The following LAX1 variants were observed in gnomAD, a reference collection of about 807,000 sequenced individuals.
LAX1 encodes the protein lymphocyte transmembrane adapter 1.
Under a neutral mutation model 20.7 loss-of-function variants are expected in LAX1, and 17 were observed. The observed-to-expected ratio is 0.82, with a 90% CI of 0.56 to 1.23. LAX1 has a LOEUF of 1.23. LAX1 is among the 50% of genes most tolerant of loss of function. The pLI, the probability that LAX1 is intolerant of heterozygous loss-of-function variation, is 0.00. For synonymous variants in LAX1, 165 were observed against 181.0 expected, an observed-to-expected ratio of 0.91 and a Z score of 0.71; for missense variants, 470 against 487.0, an observed-to-expected ratio of 0.97 and a Z score of 0.33.
At position 203,774,629 on chromosome 1, in the gene LAX1, G is replaced by A; in HGVS notation, c.1145G>A (p.Gly382Glu). The change falls in exon 5 of 5, where the codon GGA becomes GAA. Residue 382 changes from glycine to glutamate, a missense_variant. Transcript: ENST00000442561. ...GAAAATGTGCTAACTGCCAAGTTAG[G>A]AGGCAGGGACTCTGAGCAGGGGCCT... ...DYENVLTAKL[G>E]GRDSEQGPGT... The A allele has an allele frequency of 6.2e-7, 1 of 1,614,194 alleles. No homozygotes were observed. The highest frequency in any genetic ancestry group is 1.1e-5 in the South Asian group (1 of 91,078).
At position 203,774,278 on chromosome 1, in the gene LAX1, C is replaced by T; in HGVS notation, c.794C>T (p.Ser265Leu). 6.2e-7 allele frequency: 1 copy of T among 1,614,166 alleles called. No homozygotes were observed. The highest frequency in any genetic ancestry group is 8.5e-7 in the Non-Finnish European group (1 of 1,180,042). The change falls in exon 5 of 5, where the codon TCA (serine) becomes TTA (leucine). Residue 265 changes from serine (S) to leucine (L), a missense_variant. Coordinates refer to ENST00000442561, the MANE Select transcript of LAX1 (RefSeq NM_017773.4). Reference sequence around the variant, plus strand: ...AATGGAGAAGGTTCTTCTCAGATCTCAAATGACTATGTCAACATGACAGGG... The same window carrying T: ...AATGGAGAAGGTTCTTCTCAGATCTTAAATGACTATGTCAACATGACAGGG... ...LSNGEGSSQI[S>L]NDYVNMTGLD... is the part of the protein sequence containing the mutation.
At chr1:203,773,797 G>A (rs1667460829) in intron 4 of LAX1, 78 bp from the exon 5 acceptor site, 3 of 227,514 alleles carry the variant, frequency 1.3e-5, no homozygotes, top group Admixed American at 6.5e-5. Flanking sequence ...GAATATGCCA[G>A]TGGTATTTTC....
intron 1 of LAX1, among the ~76,000 whole-genome samples, chr1:203,767,358 A>AGTG (rs1257971444): frequency 1.7e-5 from 2 of 117,726 alleles, no homozygotes; most frequent in Non-Finnish European, 3.2e-5. Context: ...CCCAGGCTGG[A>AGTG]GTGCAAGGTT....
chr1:203,772,576 C>A (rs12239739), intron 4 of LAX1, among the ~76,000 whole-genome samples: 1 of 151,784 alleles, frequency 6.6e-6, no homozygotes, highest in Non-Finnish European at 1.5e-5. Flanking sequence ...TACAGGCATG[C>A]GCCACCACGC....
At position 203,769,454 on chromosome 1, in the gene LAX1, A is replaced by AAAGAAAGAAAGG. The variant is rs759242546; in HGVS notation, c.90-1372_90-1371insGAAAGAAAGGAA. Among the ~76,000 whole-genome samples, 280 of 106,476 alleles carry AAAGAAAGAAAGG rather than the reference A, an allele frequency of 2.6e-3. 6 individuals carry two copies. Among genetic ancestry groups the AAAGAAAGAAAGG allele is most frequent in the African/African-American group, 8.4e-3 (261 of 31,162 alleles). 69.9% of individuals were successfully genotyped at this position (106,476 alleles called of 152,430 possible). On this transcript the variant is annotated intron_variant, in intron 1 of 4. Transcript: ENST00000442561. ...GAAAGAAAGAAAGAAGGAAAGAAAG[A>AAAGAAAGAAAGG]AAAGAAAAGAAAGAAAGTTGTATAA...
chr1:203,770,722 C>A, intron 1 of LAX1, 106 bp from the exon 2 acceptor site: 2 of 880,810 alleles, frequency 2.3e-6, no homozygotes, highest in Non-Finnish European at 1.9e-6. Flanking sequence ...CTTTCCTTCA[C>A]TCGGCTCCCA....
intron 1 of LAX1, among the ~76,000 whole-genome samples, chr1:203,769,207 G>A (rs1465431650): frequency 6.6e-6 from 1 of 151,702 alleles, no homozygotes; most frequent in African/African-American, 2.4e-5. Flanking sequence ...TGGCCAACAT[G>A]GTGAAATCCC....
intron 3 of LAX1, 61 bp downstream of exon 3, chr1:203,771,538 CCT>C: frequency 9.9e-7 from 1 of 1,007,088 alleles, no homozygotes; most frequent in Non-Finnish European, 1.6e-6. Flanking sequence ...CCAGAATGTG[CCT>C]CTCACCCTCC....
At chr1:203,772,037 TA>T in intron 3 of LAX1, 30 bp from the exon 4 acceptor site, 1 of 1,554,688 alleles carries the variant, frequency 6.4e-7, no homozygotes, top group Non-Finnish European at 8.9e-7. Flanking sequence ...GAGGACTGGC[TA>T]TCTTCAGGAT....
At chr1:203,770,553 G>GAAAGAAAT (rs1667402477) in intron 1 of LAX1, among the ~76,000 whole-genome samples, 1 of 142,404 alleles carries the variant, frequency 7.0e-6, no homozygotes, top group African/African-American at 2.6e-5. Context: ...AAGAAAGAAA[G>GAAAGAAAT]AAAGAAAGAA....
intron 1 of LAX1, among the ~76,000 whole-genome samples, chr1:203,770,504 AG>A (rs1329738693): frequency 1.4e-3 from 147 of 102,716 alleles, no homozygotes; most frequent in African/African-American, 5.2e-3. Context: ...GAAGGAAGGA[AG>A]GAAGGAAGAA....
At chr1:203,770,458 G>A (rs10608734) in intron 1 of LAX1, among the ~76,000 whole-genome samples, 611 of 8,908 alleles carry the variant, frequency 0.069, 11 homozygotes, top group Non-Finnish European at 0.23. Context: ...AGAGAGAAAG[G>A]AAGGAAGGAA....
At chr1:203,773,449 C>A (rs1386300321) in intron 4 of LAX1, among the ~76,000 whole-genome samples, 1 of 152,084 alleles carries the variant, frequency 6.6e-6, no homozygotes, top group South Asian at 2.1e-4. Context: ...AGCGAAACTC[C>A]TTCTCAAAAA....
At chr1:203,772,249 TGCCCTTTG>T (rs1486114458) in intron 4 of LAX1, 102 bp downstream of exon 4, 1 of 875,224 alleles carries the variant, frequency 1.1e-6, no homozygotes, top group Non-Finnish European at 1.9e-6. Context: ...ACAAACAGCA[TGCCCTTTG>T]GCACTCGCCC....
chr1:203,770,433 A>AAGAAAGAG lies in LAX1; in HGVS notation c.90-392_90-391insAAGAGAGA, dbSNP rs1553254323. 2.3e-3 allele frequency among the ~76,000 whole-genome samples: 101 copies of AAGAAAGAG among 44,856 alleles called. 3 individuals carry two copies. Among genetic ancestry groups the AAGAAAGAG allele is most frequent in the East Asian group, 0.012 (11 of 936 alleles). 29.4% of individuals were successfully genotyped at this position (44,856 alleles called of 152,430 possible). On this transcript the variant is annotated intron_variant, in intron 1 of 4. Coordinates refer to ENST00000442561, the MANE Select transcript of LAX1 (RefSeq NM_017773.4). ...TCCATCAAAAAGAAAGAAAGAAAGA[A>AAGAAAGAG]AGAGAGAGAGAGAGAGAGAGAAAGG...
In LAX1 at chr1:203,765,653, A is replaced by G. The variant is rs1271736210; in HGVS notation, c.88A>G (p.Arg30Gly). 1.2e-6 allele frequency: 2 copies of G among 1,613,962 alleles called. No homozygotes were observed. The highest frequency in any genetic ancestry group is 2.2e-5 in the South Asian group (2 of 90,988). The change falls in exon 1 of 5, where the codon AGA becomes GGA. Residue 30 changes from arginine (R) to glycine (G), a missense_variant and splice_region_variant. Transcript: ENST00000442561. Reference protein sequence around the residue: ...TLHVTPRSLDRNKDQITNIFS... With the variant: ...TLHVTPRSLDGNKDQITNIFS... Reference sequence around the variant, plus strand: ...GCATGTGACTCCCCGCAGCCTGGACAGGTGAGTGACTCAGGGTGGTGAGCT... The same window carrying G: ...GCATGTGACTCCCCGCAGCCTGGACGGGTGAGTGACTCAGGGTGGTGAGCT...
In LAX1 at chr1:203,765,401, G is replaced by A. The variant is rs1234580171; in HGVS notation, c.-165G>A. 2 of 1,551,924 alleles carry A rather than the reference G, an allele frequency of 1.3e-6. No homozygotes were observed. The highest frequency in any genetic ancestry group is 1.2e-5 in the South Asian group (1 of 84,106). On this transcript the variant is annotated 5_prime_UTR_variant, in exon 1 of 5. Coordinates refer to ENST00000442561, the MANE Select transcript of LAX1 (RefSeq NM_017773.4). ...ACGTCCAGGTAGAACCAAACCTGTTGCTTTTGTATGTTGGGTCAACTTGGC... is the reference window on the plus strand; with the variant it reads ...ACGTCCAGGTAGAACCAAACCTGTTACTTTTGTATGTTGGGTCAACTTGGC...
rs10714327 is a variant in LAX1, at chr1:203,773,756, CTTTTTTTTTTTTTTTT to C, written c.391-106_391-91del. 7 of 200,686 alleles carry C rather than the reference CTTTTTTTTTTTTTTTT, an allele frequency of 3.5e-5. 1 individual carries two copies. Among genetic ancestry groups the C allele is most frequent in the East Asian group, 3.0e-4 (2 of 6,644 alleles). 12.4% of individuals were successfully genotyped at this position (200,686 alleles called of 1,614,324 possible). ...TCATCACATTTGCACTGTTGCTCTT[CTTTTTTTTTTTTTTTT>C]TTTTTTTTTTTTCAGAATATGCCAG... On this transcript the variant is annotated intron_variant, in intron 4 of 4. Coordinates refer to ENST00000442561, the MANE Select transcript of LAX1 (RefSeq NM_017773.4).
intron 1 of LAX1, among the ~76,000 whole-genome samples, chr1:203,770,461 GGA>G (rs1558070660): frequency 0.2 from 3,150 of 15,898 alleles, 787 homozygotes; most frequent in Non-Finnish European, 0.35. Flanking sequence ...GAGAAAGGAA[GGA>G]AGGAAGGAAG....
Sources: allele counts gnomAD v4.1 joint callset (sites outside exome capture counted in the v4.1 genomes callset), GRCh38; gene constraint gnomAD v4.1.1; transcripts MANE v1.5; gene names NCBI Gene and HGNC (gene_info 2026-07-23, HGNC 2026-07-21).